The following MED27 variants were observed in gnomAD, a reference collection of about 807,000 sequenced individuals.
MED27 encodes mediator complex subunit 27.
MED27 carries 30 observed loss-of-function variants against 38.2 expected under a neutral mutation model. That is an observed-to-expected ratio of 0.79 (90% confidence interval 0.59 to 1.07). The LOEUF (loss-of-function observed/expected upper bound fraction) is 1.07, where lower values mean the gene tolerates loss of function less well. Among genes scored for constraint, MED27 ranks in the 50% least tolerant of loss-of-function variants. The probability of loss-of-function intolerance (pLI) is 0.00; values close to 1 mark genes in which losing one functional copy is unlikely to be tolerated. For missense variants in MED27, 289 were observed against 397.5 expected (o/e 0.73, Z 2.32); for synonymous variants, 122 against 153.5 (o/e 0.79, Z 1.52).
At chr9:131,977,997 G>A (rs926116580) in intron 3 of MED27, among the ~76,000 whole-genome samples, 1 of 152,114 alleles carries the variant, frequency 6.6e-6, no homozygotes, top group Admixed American at 6.5e-5. Flanking sequence ...GAGCATAAGC[G>A]GCAGCTAACG....
chr9:131,918,784 A>G (rs1830337528), intron 4 of MED27, among the ~76,000 whole-genome samples: 1 of 152,208 alleles, frequency 6.6e-6, no homozygotes, highest in Non-Finnish European at 1.5e-5. Context: ...TGAAACACAC[A>G]TGTTCCAGTG....
chr9:131,866,421 C>G (rs1434517667), intron 6 of MED27, among the ~76,000 whole-genome samples: 1 of 152,252 alleles, frequency 6.6e-6, no homozygotes, highest in Non-Finnish European at 1.5e-5. Context: ...GACCCAGAGG[C>G]CTGAGCCAGA....
At chr9:131,934,177 AAG>A (rs1352967151) in intron 4 of MED27, among the ~76,000 whole-genome samples, 1 of 152,228 alleles carries the variant, frequency 6.6e-6, no homozygotes, top group African/African-American at 2.4e-5. Flanking sequence ...AAACTATTAC[AAG>A]AAAATGTTGG....
chr9:132,017,566 C>G (rs1463622513), intron 2 of MED27, among the ~76,000 whole-genome samples: 2 of 152,146 alleles, frequency 1.3e-5, no homozygotes, highest in Non-Finnish European at 2.9e-5. Context: ...ATGATCTATT[C>G]TTTTAACTTT....
At chr9:131,880,880 T>TA (rs1839024371) in intron 6 of MED27, among the ~76,000 whole-genome samples, 1 of 151,690 alleles carries the variant, frequency 6.6e-6, no homozygotes, top group Non-Finnish European at 1.5e-5. Context: ...CTGCTTGCAT[T>TA]AAAAAATACT....
chr9:131,944,899 C>A (rs965580923), intron 3 of MED27, among the ~76,000 whole-genome samples: 1 of 150,964 alleles, frequency 6.6e-6, no homozygotes, highest in Non-Finnish European at 1.5e-5. Flanking sequence ...CATGTCTGTA[C>A]AACATTTTAT....
chr9:132,079,436 C>G (rs1834124624), intron 1 of MED27, among the ~76,000 whole-genome samples: 1 of 152,128 alleles, frequency 6.6e-6, no homozygotes, highest in Admixed American at 6.5e-5. Flanking sequence ...CAAACAGGAC[C>G]AGGAGGCCAG....
intron 3 of MED27, among the ~76,000 whole-genome samples, chr9:132,009,330 A>G (rs1234850180): frequency 6.6e-6 from 1 of 152,184 alleles, no homozygotes; most frequent in East Asian, 1.9e-4. Context: ...GTCTTTCTTC[A>G]AAAGGGAGAG....
chr9:131,969,688 G>C (rs1831433607), intron 3 of MED27, among the ~76,000 whole-genome samples: 1 of 152,106 alleles, frequency 6.6e-6, no homozygotes. Context: ...GGTCCGGGGT[G>C]ATGTGCGCCA....
At chr9:132,020,106 T>C (rs577816873) in intron 2 of MED27, among the ~76,000 whole-genome samples, 1 of 152,332 alleles carries the variant, frequency 6.6e-6, no homozygotes, top group African/African-American at 2.4e-5. Context: ...CACAGTGGCA[T>C]GTTGAACCTT....
At chr9:131,937,961 G>A (rs1278165711) in intron 4 of MED27, among the ~76,000 whole-genome samples, 2 of 151,860 alleles carry the variant, frequency 1.3e-5, no homozygotes, top group Admixed American at 1.3e-4. Flanking sequence ...TTTATATGAA[G>A]AAAACTGTTT....
intron 4 of MED27, among the ~76,000 whole-genome samples, chr9:131,919,449 G>GTCAT: frequency 6.6e-6 from 1 of 150,752 alleles, no homozygotes; most frequent in Non-Finnish European, 1.5e-5. Context: ...CTGAGCATTT[G>GTCAT]GCTTCAAGTG....
intron 3 of MED27, among the ~76,000 whole-genome samples, chr9:131,953,963 C>T (rs935271838): frequency 6.6e-6 from 1 of 151,876 alleles, no homozygotes; most frequent in African/African-American, 2.4e-5. Flanking sequence ...GATTACAGGC[C>T]CCTACCACCA....
chr9:131,903,267 C>G (rs536058723), intron 4 of MED27, among the ~76,000 whole-genome samples: 25 of 152,304 alleles, frequency 1.6e-4, no homozygotes, highest in Non-Finnish European at 3.1e-4. Context: ...AGAGCTTGTG[C>G]AGAGAACACC....
intron 4 of MED27, among the ~76,000 whole-genome samples, chr9:131,903,242 G>A (rs1018508248): frequency 6.6e-6 from 1 of 152,218 alleles, no homozygotes; most frequent in African/African-American, 2.4e-5. Flanking sequence ...TATGTGGATG[G>A]CAGCAGGCAA....
intron 3 of MED27, among the ~76,000 whole-genome samples, chr9:131,939,850 C>T (rs1159760722): frequency 6.6e-6 from 1 of 151,780 alleles, no homozygotes; most frequent in African/African-American, 2.4e-5. Flanking sequence ...TCTAATCTGG[C>T]TTCTCCTTTG....
At chr9:132,077,925 A>G (rs1834089513) in intron 1 of MED27, among the ~76,000 whole-genome samples, 1 of 152,222 alleles carries the variant, frequency 6.6e-6, no homozygotes, top group Admixed American at 6.5e-5. Flanking sequence ...ATGTGGTATA[A>G]CACTGCCTCT....
At chr9:131,972,798 C>G (rs1831509536) in intron 3 of MED27, among the ~76,000 whole-genome samples, 1 of 152,090 alleles carries the variant, frequency 6.6e-6, no homozygotes, top group Non-Finnish European at 1.5e-5. Flanking sequence ...TTCAGAAAAC[C>G]AACAACAGGG....
intron 2 of MED27, among the ~76,000 whole-genome samples, chr9:132,049,098 C>T (rs557023835): frequency 2.0e-5 from 3 of 152,264 alleles, no homozygotes; most frequent in African/African-American, 7.2e-5. Context: ...TTGGACAAGA[C>T]GAAAGAGCAC....
Sources: gnomAD v4.1 joint callset for allele counts (sites outside exome capture counted in the v4.1 genomes callset) on GRCh38, gnomAD v4.1.1 for gene constraint, MANE v1.5 for transcripts, NCBI Gene and HGNC (gene_info 2026-07-23, HGNC 2026-07-21) for gene names.